Variants in FBXO5 observed in about 807,000 individuals in gnomAD.
FBXO5 encodes the protein F-box only protein 5.
In FBXO5, 8 loss-of-function variants were observed where a neutral mutation model predicts 43.3. The ratio of observed to expected loss-of-function variants is 0.18; its 90% CI spans 0.11 to 0.33. The LOEUF (loss-of-function observed/expected upper bound fraction) is 0.33. Among genes scored for constraint, FBXO5 ranks in the 10% least tolerant of loss-of-function variants. FBXO5 has a pLI of 1.00. For synonymous variants in FBXO5, 204 were observed against 193.7 expected (o/e 1.05, Z -0.44); for missense variants, 491 against 535.7 (o/e 0.92, Z 0.82).
In FBXO5 at chr6:152,983,001, CG is replaced by C. The variant is rs770365809; in HGVS notation, c.-43del. 1 of 1,269,580 alleles carries C rather than the reference CG, an allele frequency of 7.9e-7. No homozygotes were observed. Among genetic ancestry groups the C allele is most frequent in the South Asian group, 1.8e-5 (1 of 54,702 alleles). 78.6% of individuals were successfully genotyped at this position (1,269,580 alleles called of 1,614,324 possible). On this transcript the variant is annotated 5_prime_UTR_variant, in exon 1 of 5. Transcript: ENST00000229758. ...TCTGCCTCAGGTGGAGGAACCGCTCCGGGGGCAGCTGAGCAACCTGCCTGCT... is the reference window on the plus strand; with the variant it reads ...TCTGCCTCAGGTGGAGGAACCGCTCCGGGGCAGCTGAGCAACCTGCCTGCT...
chr6:152,982,848 C>T lies in FBXO5; in HGVS notation c.103+9G>A, dbSNP rs1460856858. 7.3e-6 allele frequency: 11 copies of T among 1,498,688 alleles called. No homozygotes were observed. Among genetic ancestry groups the T allele is most frequent in the African/African-American group, 2.9e-5 (2 of 68,670 alleles). 92.8% of individuals were successfully genotyped at this position (1,498,688 alleles called of 1,614,324 possible). A position where few individuals can be genotyped will look rare whatever the true frequency, so the allele number is the denominator to read the frequency against. ...GCGCGCCCCCCTCGCGACCGCTCCC[C>T]TCACTCACTATCCGAGGGTCGAGGG... On this transcript the variant is annotated intron_variant, in intron 1 of 4. Transcript: ENST00000229758.
At chr6:152,978,553 T>C (rs535672393) in intron 1 of FBXO5, among the ~76,000 whole-genome samples, 25 of 152,272 alleles carry the variant, frequency 1.6e-4, no homozygotes, top group Non-Finnish European at 3.1e-4. Context: ...ACATATGATA[T>C]AAAAATGTGT....
At chr6:152,975,670 A>G (rs753914981) in intron 1 of FBXO5, 49 bp from the exon 2 acceptor site, 1 of 1,197,232 alleles carries the variant, frequency 8.4e-7, no homozygotes, top group Non-Finnish European at 1.2e-6. Flanking sequence ...ATTTCCACAC[A>G]TCCCTACTTC....
At chr6:152,976,401 G>A (rs564878870) in intron 1 of FBXO5, among the ~76,000 whole-genome samples, 9 of 152,178 alleles carry the variant, frequency 5.9e-5, no homozygotes, top group African/African-American at 1.9e-4. Flanking sequence ...TATTCAAAGC[G>A]TTTGTCTACC....
rs1584077531 is a variant in FBXO5 at position 152,972,434 on chromosome 6, T to C, written c.930A>G (p.Ser310=). 1 of 1,592,732 alleles carries C rather than the reference T, an allele frequency of 6.3e-7. No homozygotes were observed. The highest frequency in any genetic ancestry group is 1.4e-5 in the African/African-American group (1 of 74,012). The stretch of plus-strand genomic sequence containing the variant: ...CATATTCTCTGGTTGAAGCATGAGG[T>C]GAAAATTTATTGTTGTTTTCCTAAT... ...QRVTENNNKF[S]PHASTREYVM... Residue 310 remains serine (S), a synonymous_variant, in exon 4 of 5, where the codon TCA becomes TCG. Coordinates refer to ENST00000229758, the MANE Select transcript of FBXO5 (RefSeq NM_012177.5).
intron 1 of FBXO5, among the ~76,000 whole-genome samples, chr6:152,981,728 C>A (rs973973455): frequency 6.6e-6 from 1 of 150,962 alleles, no homozygotes; most frequent in Admixed American, 6.6e-5. Flanking sequence ...GATCCAGGAT[C>A]TTCTAGAAAT....
At chr6:152,976,878 T>C (rs1409961036) in intron 1 of FBXO5, among the ~76,000 whole-genome samples, 2 of 152,184 alleles carry the variant, frequency 1.3e-5, no homozygotes, top group African/African-American at 2.4e-5. Context: ...GGGACTGTCC[T>C]GTGCATTGTA....
intron 1 of FBXO5, among the ~76,000 whole-genome samples, chr6:152,979,974 A>C (rs1345580005): frequency 1.3e-5 from 2 of 152,356 alleles, no homozygotes; most frequent in African/African-American, 4.8e-5. Context: ...TAATTTTAAA[A>C]TATGAAATTA....
At chr6:152,979,007 G>GA (rs796348266) in intron 1 of FBXO5, among the ~76,000 whole-genome samples, 30 of 148,714 alleles carry the variant, frequency 2.0e-4, no homozygotes, top group African/African-American at 5.9e-4. Flanking sequence ...AAAGAAAAAA[G>GA]AAAAAAAAAG....
rs1244290723 is a variant in FBXO5, at chr6:152,971,298, A to G, written c.1209T>C (p.Phe403=). The change falls in exon 5 of 5, where the codon TTT becomes TTC. Residue 403 remains phenylalanine (F), a synonymous_variant. Transcript: ENST00000229758. ...TACAGAGACACTTCGTACAATAATCAAATCCACAGCCTTCTCGTTTGCAGG... is the reference window on the plus strand; with the variant it reads ...TACAGAGACACTTCGTACAATAATCGAATCCACAGCCTTCTCGTTTGCAGG... ...RATCKREGCG[F]DYCTKCLCNY... The G allele has an allele frequency of 6.2e-7, 1 of 1,614,084 alleles. No homozygotes were observed. The highest frequency in any genetic ancestry group is 1.7e-5 in the Admixed American group (1 of 60,018).
chr6:152,972,292 G>A lies in FBXO5; in HGVS notation c.1072C>T (p.Arg358Ter). 6.2e-7 allele frequency: 1 copy of A among 1,608,362 alleles called. No individual in the cohort carries two copies. Among genetic ancestry groups the A allele is most frequent in the Non-Finnish European group, 8.5e-7 (1 of 1,176,666 alleles). Residue 358 changes from arginine (R) to a stop codon, truncating the protein, a stop_gained, in exon 4 of 5, where the codon CGA (arginine) becomes TGA (stop). Coordinates refer to ENST00000229758, the MANE Select transcript of FBXO5 (RefSeq NM_012177.5). LOFTEE classifies it high-confidence loss of function. The part of the protein sequence containing the change: ...QGDQKGSTYS[R>*]HNEFSEVAKT... ...ATTACCTCAGAGAATTCATTGTGTC[G>A]ACTATAAGTAGAACCTTTCTGATCA...
Position 152,975,490 on chromosome 6 carries a change from A to T in FBXO5, c.235T>A (p.Leu79Met). 1.9e-6 allele frequency: 3 copies of T among 1,614,042 alleles called. No homozygotes were observed. Among genetic ancestry groups the T allele is most frequent in the Non-Finnish European group, 2.5e-6 (3 of 1,180,016 alleles). Reference sequence around the variant, plus strand: ...ATGCAGTCTTTACAGGAACCTTCCAAATATGCAGGGGTGTAGGAAACTAGT... The same window carrying T: ...ATGCAGTCTTTACAGGAACCTTCCATATATGCAGGGGTGTAGGAAACTAGT... ...GRLVSYTPAY[L>M]EGSCKDCIKD... The change falls in exon 2 of 5, where the codon TTG (leucine) becomes ATG (methionine). Residue 79 changes from leucine (L) to methionine (M), a missense_variant. By Grantham distance (15) the Leu-to-Met change is conservative. Transcript: ENST00000229758.
rs1286333545 is a variant in FBXO5 at position 152,975,482 on chromosome 6, A to T, written c.243T>A (p.Gly81=). 1.2e-6 allele frequency: 2 copies of T among 1,613,998 alleles called. No individual in the cohort carries two copies. Among genetic ancestry groups the T allele is most frequent in the South Asian group, 1.1e-5 (1 of 91,082 alleles). Residue 81 remains glycine, a synonymous_variant, in exon 2 of 5, where the codon GGT becomes GGA. Coordinates refer to ENST00000229758, the MANE Select transcript of FBXO5 (RefSeq NM_012177.5). ...AGTCTTTAATGCAGTCTTTACAGGA[A>T]CCTTCCAAATATGCAGGGGTGTAGG... is the stretch of plus-strand genomic sequence containing the variant. ...LVSYTPAYLE[G]SCKDCIKDYE...
chr6:152,979,126 T>A (rs1778222360), intron 1 of FBXO5, among the ~76,000 whole-genome samples: 1 of 152,220 alleles, frequency 6.6e-6, no homozygotes, highest in South Asian at 2.1e-4. Context: ...TTACTAACAG[T>A]AATGCATGTC....
At chr6:152,976,263 T>A (rs1482460014) in intron 1 of FBXO5, among the ~76,000 whole-genome samples, 1 of 152,184 alleles carries the variant, frequency 6.6e-6, no homozygotes, top group Non-Finnish European at 1.5e-5. Context: ...ATTCAAGAAA[T>A]CTATAGGTAG....
Position 152,973,043 on chromosome 6 carries a change from T to TA in FBXO5, c.909+2dup. On this transcript the variant is annotated splice_region_variant and intron_variant, in intron 3 of 4. Transcript: ENST00000229758. Reference sequence around the variant, plus strand: ...ACTAAAAACATCATCTGCAAACACTTACGGTAACTCTTTGTATTGCTTTAC... The same window carrying TA: ...ACTAAAAACATCATCTGCAAACACTTAACGGTAACTCTTTGTATTGCTTTAC... 1 of 1,611,676 alleles carries TA rather than the reference T, an allele frequency of 6.2e-7. No homozygotes were observed. The highest frequency in any genetic ancestry group is 8.5e-7 in the Non-Finnish European group (1 of 1,177,932).
intron 1 of FBXO5, among the ~76,000 whole-genome samples, chr6:152,976,171 G>A (rs1328804512): frequency 6.6e-6 from 1 of 152,144 alleles, no homozygotes; most frequent in Admixed American, 6.5e-5. Context: ...AAGGTATAAG[G>A]GTGGGAATAA....
chr6:152,978,376 T>TGGG (rs1234180495), intron 1 of FBXO5, among the ~76,000 whole-genome samples: 64 of 5,706 alleles, frequency 0.011, 22 homozygotes, highest in Middle Eastern at 0.33. Context: ...GCTTCATTTT[T>TGGG]TGGGGGGGGG....
In FBXO5 at chr6:152,971,175, T is replaced by G; in HGVS notation, c.1332A>C (p.Leu444Phe). Reference sequence around the variant, plus strand: ...ATTTAATAAGAGATCACAATCTTCGTAAATTCTTTTTGCTTTTCTTTGTAC... The same window carrying G: ...ATTTAATAAGAGATCACAATCTTCGGAAATTCTTTTTGCTTTTCTTTGTAC... ...LPGTKKSKKN[L>F]RRL The change falls in exon 5 of 5, where the codon TTA (leucine) becomes TTC (phenylalanine). Residue 444 changes from leucine to phenylalanine, a missense_variant. Leu to Phe is a conservative substitution (Grantham distance 22). Transcript: ENST00000229758. 5 of 1,606,488 alleles carry G rather than the reference T, an allele frequency of 3.1e-6. No individual in the cohort carries two copies. Among genetic ancestry groups the G allele is most frequent in the Non-Finnish European group, 4.2e-6 (5 of 1,177,826 alleles).
Sources: gnomAD v4.1 joint callset for allele counts (sites outside exome capture counted in the v4.1 genomes callset) on GRCh38, gnomAD v4.1.1 for gene constraint, MANE v1.5 for transcripts, NCBI Gene and HGNC (gene_info 2026-07-23, HGNC 2026-07-21) for gene names.